AKR1E2: variants seen among roughly 807,000 people sequenced by gnomAD.
AKR1E2 encodes the protein aldo-keto reductase family 1 member E2.
In AKR1E2, 43 loss-of-function variants were observed where a neutral mutation model predicts 41.9. That is an observed-to-expected ratio of 1.03 (90% confidence interval 0.80 to 1.32). The LOEUF is 1.32. Among genes scored for constraint, AKR1E2 ranks in the 40% most tolerant of loss-of-function variants. AKR1E2 has a pLI of 0.00. For missense variants in AKR1E2, 423 were observed against 396.5 expected (o/e 1.07, Z -0.57); for synonymous variants, 121 against 138.9 (o/e 0.87, Z 0.91).
In AKR1E2 at chr10:4,847,781, A is replaced by G; in HGVS notation, c.*251A>G. 2 of 496,202 alleles carry G rather than the reference A, an allele frequency of 4.0e-6. No homozygotes were observed. The highest frequency in any genetic ancestry group is 7.5e-5 in the South Asian group (2 of 26,596). 30.7% of individuals were successfully genotyped at this position (496,202 alleles called of 1,614,324 possible). On this transcript the variant is annotated 3_prime_UTR_variant, in exon 10 of 10. Transcript: ENST00000298375. ...TGAACAAATACACTGATGAGTCATC[A>G]GTGAAATTTGCCTTCACATTTTAAG...
intron 7 of AKR1E2, 100 bp downstream of exon 7, chr10:4,841,957 C>T (rs1312606863): frequency 4.3e-5 from 46 of 1,069,888 alleles, no homozygotes; most frequent in Non-Finnish European, 5.9e-5. Context: ...GGGACTGGCT[C>T]ACCCAGGTGA....
intron 5 of AKR1E2, 124 bp downstream of exon 5, chr10:4,837,705 C>A (rs1588458778): frequency 3.5e-6 from 5 of 1,417,206 alleles, no homozygotes; most frequent in East Asian, 4.9e-5. Context: ...TCTCCTCTGG[C>A]AGCACTCAGA....
chr10:4,837,754 T>C (rs1182991117), intron 5 of AKR1E2, among the ~76,000 whole-genome samples, 173 bp downstream of exon 5: 1 of 152,228 alleles, frequency 6.6e-6, no homozygotes, highest in Non-Finnish European at 1.5e-5. Context: ...GTGGCTTTCT[T>C]GAAGGTGCAT....
chr10:4,847,269 T>G (rs1446226349), intron 9 of AKR1E2, 39 bp downstream of exon 9: 1 of 1,612,026 alleles, frequency 6.2e-7, no homozygotes, highest in Admixed American at 1.7e-5. Context: ...GAGGGAAGAA[T>G]ATACAGATTG....
the AKR1E2 span, among the ~76,000 whole-genome samples, chr10:4,853,733 A>G: frequency 2.6e-4 from 39 of 152,356 alleles, 2 homozygotes; most frequent in Middle Eastern, 0.031. Flanking sequence ...GAGTAAAATG[A>G]GACTGAGACC....
chr10:4,856,548 A>G, the AKR1E2 span, among the ~76,000 whole-genome samples: 10 of 152,374 alleles, frequency 6.6e-5, no homozygotes, highest in Middle Eastern at 3.4e-3. Context: ...CACTAATGCA[A>G]CAGTGACAGT....
chr10:4,838,297 AAAT>A (rs1259037645), intron 5 of AKR1E2, among the ~76,000 whole-genome samples: 1 of 152,188 alleles, frequency 6.6e-6, no homozygotes, highest in African/African-American at 2.4e-5. Context: ...AGGTAAAATA[AAAT>A]AATAATGCAA....
At chr10:4,863,039 TAGAC>T in the AKR1E2 span, among the ~76,000 whole-genome samples, 1 of 151,600 alleles carries the variant, frequency 6.6e-6, no homozygotes, top group Admixed American at 6.6e-5. Flanking sequence ...CTGTCAACAT[TAGAC>T]AGATCAACGA....
chr10:4,825,949 C>G (rs1832450361), upstream of AKR1E2, among the ~76,000 whole-genome samples: 1 of 152,212 alleles, frequency 6.6e-6, no homozygotes, highest in South Asian at 2.1e-4. Flanking sequence ...GCGGCAATGC[C>G]AGCCGATTGT....
chr10:4,866,647 T>TG, the AKR1E2 span, among the ~76,000 whole-genome samples: 2 of 122,448 alleles, frequency 1.6e-5, no homozygotes, highest in African/African-American at 3.2e-5. Context: ...TTGTTTTTGT[T>TG]TTTTTTTTTT....
At chr10:4,833,557 GCA>G in intron 3 of AKR1E2, 91 bp downstream of exon 3, 1 of 1,106,776 alleles carries the variant, frequency 9.0e-7, no homozygotes, top group Non-Finnish European at 1.4e-6. Context: ...GCATGGACCA[GCA>G]TTCAGGGCAG....
chr10:4,826,693 A>G (rs1237056443), intron 1 of AKR1E2, among the ~76,000 whole-genome samples: 1 of 152,116 alleles, frequency 6.6e-6, no homozygotes, highest in Non-Finnish European at 1.5e-5. Context: ...GTTACTCAGA[A>G]CTGGAGCGGG....
intron 2 of AKR1E2, among the ~76,000 whole-genome samples, chr10:4,831,243 G>C (rs959244150): frequency 2.0e-5 from 3 of 152,190 alleles, no homozygotes; most frequent in Admixed American, 2.0e-4. Context: ...AGAAACTCTG[G>C]GTGTGGAGGA....
At chr10:4,846,660 C>G (rs1298470893) in intron 8 of AKR1E2, among the ~76,000 whole-genome samples, 1 of 151,990 alleles carries the variant, frequency 6.6e-6, no homozygotes, top group Non-Finnish European at 1.5e-5. Context: ...GTTCTCCTGC[C>G]TCAGCCTCCT....
Position 4,847,625 on chromosome 10 carries a change from G to A in AKR1E2, c.*95G>A. ...CTGTCATCACAGCGCCAGGGCAGCT[G>A]TGCCTGGGACAGGAGCCACACAGTC... On this transcript the variant is annotated 3_prime_UTR_variant, in exon 10 of 10. Coordinates refer to ENST00000298375, the MANE Select transcript of AKR1E2 (RefSeq NM_001040177.3). The A allele has an allele frequency of 6.9e-7, 1 of 1,448,950 alleles. No homozygotes were observed. Among genetic ancestry groups the A allele is most frequent in the Non-Finnish European group, 9.6e-7 (1 of 1,042,770 alleles). 89.8% of individuals were successfully genotyped at this position (1,448,950 alleles called of 1,614,324 possible). A position where few individuals can be genotyped will look rare whatever the true frequency, so the allele number is the denominator to read the frequency against.
Position 4,839,842 on chromosome 10 carries a change from T to G in AKR1E2, c.680+16T>G, listed in dbSNP as rs374082208. The G allele has an allele frequency of 8.1e-5, 131 of 1,607,424 alleles. 1 individual carries two copies. Among genetic ancestry groups the G allele is most frequent in the South Asian group, 7.6e-4 (69 of 90,920 alleles). On this transcript the variant is annotated intron_variant, in intron 6 of 9. Transcript: ENST00000298375. ...GTGGCTCGTGGTAAGGATACCTCAG[T>G]GGTGTGTTAGTCAGAGTCCGACTGG...
intron 3 of AKR1E2, among the ~76,000 whole-genome samples, chr10:4,835,169 A>G (rs558497571): frequency 4.9e-4 from 74 of 152,332 alleles, no homozygotes; most frequent in African/African-American, 1.7e-3. Context: ...TCTCTGAAAG[A>G]TGACTTTAGG....
chr10:4,843,050 G>A (rs1187156402), intron 8 of AKR1E2, among the ~76,000 whole-genome samples: 12 of 152,176 alleles, frequency 7.9e-5, no homozygotes, highest in African/African-American at 1.4e-4. Context: ...GAGAGGCAGC[G>A]GTCCTTTTCA....
chr10:4,854,968 TG>T, the AKR1E2 span, among the ~76,000 whole-genome samples: 1 of 152,198 alleles, frequency 6.6e-6, no homozygotes, highest in East Asian at 1.9e-4. Context: ...CTGATGGCTA[TG>T]GGTGACAGGA....
Sources: allele counts gnomAD v4.1 joint callset (sites outside exome capture counted in the v4.1 genomes callset), GRCh38; gene constraint gnomAD v4.1.1; transcripts MANE v1.5; gene names NCBI Gene and HGNC (gene_info 2026-07-23, HGNC 2026-07-21).